The following SNX29 variants were observed in gnomAD, a reference collection of about 807,000 sequenced individuals.
SNX29 encodes sorting nexin 29.
SNX29 carries 78 observed loss-of-function variants against 102.1 expected under a neutral mutation model. That is an observed-to-expected ratio of 0.76 (90% CI 0.64 to 0.92). The LOEUF (loss-of-function observed/expected upper bound fraction) is 0.92. SNX29 is among the 40% of genes least tolerant of loss of function. SNX29 has a pLI of 0.00. For synonymous variants in SNX29, 580 were observed against 414.5 expected, an observed-to-expected ratio of 1.40 and a Z score of -4.85; for missense variants, 1,280 against 1,061.7, an observed-to-expected ratio of 1.21 and a Z score of -2.86.
rs191097457 is a variant in SNX29 at position 12,341,387 on chromosome 16, G to T, written c.1783-14776G>T. ...AAGCTGCCTTTAACAAATGTCTTTG[G>T]CCTCTGTGCCTTTCCTCAGACTTTC... On this transcript the variant is annotated intron_variant, in intron 15 of 20. Transcript: ENST00000566228. 1.9e-3 allele frequency among the ~76,000 whole-genome samples: 295 copies of T among 152,256 alleles called. 2 individuals are homozygous for T. Among genetic ancestry groups the T allele is most frequent in the African/African-American group, 6.7e-3 (280 of 41,558 alleles).
chr16:12,306,306 C>G (rs1238927221), intron 15 of SNX29, among the ~76,000 whole-genome samples: 1 of 151,834 alleles, frequency 6.6e-6, no homozygotes, highest in African/African-American at 2.4e-5. Context: ...GTGATGCCAA[C>G]TGCATATGGT....
At chr16:12,015,011 C>G (rs568610774) in intron 3 of SNX29, among the ~76,000 whole-genome samples, 7 of 151,804 alleles carry the variant, frequency 4.6e-5, no homozygotes, top group Non-Finnish European at 8.8e-5. Flanking sequence ...TTTTTTCTGT[C>G]CTGTATGTTT....
chr16:12,434,218 T>C (rs879698208), intron 18 of SNX29, among the ~76,000 whole-genome samples: 9 of 152,196 alleles, frequency 5.9e-5, no homozygotes, highest in Non-Finnish European at 1.3e-4. Context: ...GAAATGGGGA[T>C]AATATTATAA....
At chr16:12,056,147 G>T (rs1011016799) in intron 8 of SNX29, among the ~76,000 whole-genome samples, 5 of 152,210 alleles carry the variant, frequency 3.3e-5, no homozygotes, top group Non-Finnish European at 5.9e-5. Context: ...CTCCCAAAGT[G>T]CTGGGATTGC....
chr16:12,236,939 C>G (rs1367680211), intron 14 of SNX29, among the ~76,000 whole-genome samples: 1 of 152,148 alleles, frequency 6.6e-6, no homozygotes, highest in African/African-American at 2.4e-5. Context: ...ATGGAGAAAG[C>G]CGGGTGGGGA....
intron 18 of SNX29, among the ~76,000 whole-genome samples, chr16:12,428,642 A>C (rs148704960): frequency 6.6e-5 from 10 of 152,328 alleles, no homozygotes; most frequent in African/African-American, 2.4e-4. Context: ...ATCCCAATAC[A>C]TAGATATTTG....
chr16:12,377,342 T>C (rs1231974565), intron 16 of SNX29, among the ~76,000 whole-genome samples: 1 of 152,222 alleles, frequency 6.6e-6, no homozygotes, highest in East Asian at 1.9e-4. Flanking sequence ...TGCTCTGTGT[T>C]GTCACCATCC....
At chr16:12,559,718 C>A (rs1238810403) in intron 20 of SNX29, among the ~76,000 whole-genome samples, 2 of 152,132 alleles carry the variant, frequency 1.3e-5, no homozygotes, top group Admixed American at 1.3e-4. Flanking sequence ...ATGGTGAGAA[C>A]ACCAAGAAAT....
chr16:12,565,914 C>CCA (rs2078984663), intron 20 of SNX29, among the ~76,000 whole-genome samples: 1 of 152,038 alleles, frequency 6.6e-6, no homozygotes, highest in African/African-American at 2.4e-5. Context: ...CCACCGTGAT[C>CCA]CACCACAGCC....
chr16:12,330,818 T>C (rs1362254936), intron 15 of SNX29, among the ~76,000 whole-genome samples: 1 of 152,104 alleles, frequency 6.6e-6, no homozygotes, highest in African/African-American at 2.4e-5. Context: ...GTCTGGCGGA[T>C]GGAGGAGTTT....
intron 19 of SNX29, among the ~76,000 whole-genome samples, chr16:12,485,939 G>A (rs535780380): frequency 6.6e-6 from 1 of 152,168 alleles, no homozygotes; most frequent in African/African-American, 2.4e-5. Flanking sequence ...TCAATGCAAG[G>A]CATCCTTTCT....
intron 18 of SNX29, among the ~76,000 whole-genome samples, chr16:12,464,595 C>T (rs759355561): frequency 6.6e-5 from 10 of 151,922 alleles, no homozygotes; most frequent in Admixed American, 2.6e-4. Context: ...CTGGGACTTA[C>T]AGGCATGTAC....
At chr16:12,156,767 C>G (rs534717997) in intron 13 of SNX29, among the ~76,000 whole-genome samples, 14 of 152,350 alleles carry the variant, frequency 9.2e-5, no homozygotes, top group African/African-American at 3.4e-4. Flanking sequence ...TCAGGGCTGT[C>G]TGTTTATCCA....
chr16:12,237,869 C>T (rs1335695427), intron 14 of SNX29, among the ~76,000 whole-genome samples: 2 of 152,162 alleles, frequency 1.3e-5, no homozygotes, highest in Non-Finnish European at 2.9e-5. Context: ...GATCATGCCA[C>T]TGCACTCCAG....
At chr16:12,559,699 C>A (rs192083336) in intron 20 of SNX29, among the ~76,000 whole-genome samples, 1 of 152,172 alleles carries the variant, frequency 6.6e-6, no homozygotes, top group African/African-American at 2.4e-5. Context: ...CTCGAGCTTC[C>A]CATCTCCCAT....
chr16:12,218,708 A>T (rs1048370806), intron 14 of SNX29, among the ~76,000 whole-genome samples: 1 of 152,318 alleles, frequency 6.6e-6, no homozygotes, highest in East Asian at 1.9e-4. Flanking sequence ...TCATGTGGCT[A>T]TGCTATAATT....
chr16:12,299,080 A>C (rs1239134050), intron 15 of SNX29, among the ~76,000 whole-genome samples: 2 of 151,716 alleles, frequency 1.3e-5, no homozygotes, highest in African/African-American at 2.4e-5. Context: ...TAGGTGAATC[A>C]CTTGAGGTCA....
intron 20 of SNX29, among the ~76,000 whole-genome samples, chr16:12,565,854 G>A (rs2078981406): frequency 6.6e-6 from 1 of 152,142 alleles, no homozygotes; most frequent in African/African-American, 2.4e-5. Context: ...CCTCCGGGAA[G>A]CCCTCTGTGC....
At chr16:12,519,953 C>T (rs1421656265) in intron 19 of SNX29, among the ~76,000 whole-genome samples, 1 of 151,976 alleles carries the variant, frequency 6.6e-6, no homozygotes, top group Admixed American at 6.6e-5. Context: ...CACTGCACTC[C>T]AGCCTGGGCG....
Sources: gnomAD v4.1 joint callset for allele counts (sites outside exome capture counted in the v4.1 genomes callset) on GRCh38, gnomAD v4.1.1 for gene constraint, MANE v1.5 for transcripts, NCBI Gene and HGNC (gene_info 2026-07-23, HGNC 2026-07-21) for gene names.